COPG2: variants seen among roughly 807,000 people sequenced by gnomAD.
COPG2 encodes the protein coat protein complex I subunit gamma 2.
COPG2 carries 37 observed loss-of-function variants against 46.3 expected under a neutral mutation model. The observed-to-expected ratio is 0.80, with a 90% confidence interval of 0.61 to 1.05. The LOEUF (loss-of-function observed/expected upper bound fraction) is 1.05, where lower values mean the gene tolerates loss of function less well. Among genes scored for constraint, COPG2 ranks in the 50% least tolerant of loss-of-function variants. COPG2 has a pLI of 0.00. For synonymous variants in COPG2, 159 were observed against 129.7 expected, an observed-to-expected ratio of 1.23 and a Z score of -1.53; for missense variants, 427 against 387.8, an observed-to-expected ratio of 1.10 and a Z score of -0.85.
intron 5 of COPG2, among the ~76,000 whole-genome samples, chr7:130,627,360 A>G (rs1795137558): frequency 6.6e-6 from 1 of 152,158 alleles, no homozygotes; most frequent in Non-Finnish European, 1.5e-5. Flanking sequence ...TCCTATGCCC[A>G]ACTTATCACT....
At chr7:130,527,111 A>G (rs1321696972) in intron 20 of COPG2, among the ~76,000 whole-genome samples, 1 of 145,760 alleles carries the variant, frequency 6.9e-6, no homozygotes, top group East Asian at 2.1e-4. Flanking sequence ...GTTCAAAGTA[A>G]AGAGACTGAG....
intron 5 of COPG2, among the ~76,000 whole-genome samples, chr7:130,643,797 T>C (rs1284012581): frequency 6.6e-6 from 1 of 151,956 alleles, no homozygotes; most frequent in Non-Finnish European, 1.5e-5. Context: ...CCCATCTCTA[T>C]TTAAAAAAAA....
At position 130,652,917 on chromosome 7, in the gene COPG2, A is replaced by G; in HGVS notation, c.275T>C (p.Ile92Thr). Residue 92 changes from isoleucine to threonine, a missense_variant, in exon 5 of 24, where the codon ATC (isoleucine) becomes ACC (threonine). Ile to Thr is a moderately conservative substitution (Grantham distance 89, BLOSUM62 -1). Transcript: ENST00000425248. ...CTCAGAGATGGTAGCCATTTCTTTG[A>G]TGGTAAGGTAGCACATTCTCCTCAA... Reference protein sequence around the residue: ...QTLRRMCYLTIKEMATISEDV... With the variant: ...QTLRRMCYLTTKEMATISEDV... 6.2e-7 allele frequency: 1 copy of G among 1,606,606 alleles called. No individual in the cohort carries two copies. The highest frequency in any genetic ancestry group is 1.3e-5 in the African/African-American group (1 of 74,946).
At chr7:130,640,886 T>C (rs1410721584) in intron 5 of COPG2, among the ~76,000 whole-genome samples, 1 of 152,188 alleles carries the variant, frequency 6.6e-6, no homozygotes, top group Non-Finnish European at 1.5e-5. Flanking sequence ...ATTGCATGTC[T>C]AATAATACAA....
In COPG2 at chr7:130,668,649, T is replaced by C; in HGVS notation, c.20A>G (p.Lys7Arg). MIKKFDKKDEESGSGSN... is the reference protein window; with the variant it reads MIKKFDRKDEESGSGSN... ...GCGCGTACCAGACTCCTCGTCCTTC[T>C]TGTCGAATTTTTTAATCATCTTGGA... is the stretch of plus-strand genomic sequence containing the variant. Residue 7 changes from lysine (K) to arginine (R), a missense_variant, in exon 1 of 24, where the codon AAG becomes AGG. Lys to Arg is a conservative substitution (Grantham distance 26). Coordinates refer to ENST00000425248, the MANE Select transcript of COPG2 (RefSeq NM_012133.6). 1 of 1,542,220 alleles carries C rather than the reference T, an allele frequency of 6.5e-7. No individual in the cohort carries two copies. Among genetic ancestry groups the C allele is most frequent in the Non-Finnish European group, 8.7e-7 (1 of 1,146,564 alleles).
chr7:130,612,494 AG>A (rs1285163846), intron 7 of COPG2, among the ~76,000 whole-genome samples: 1 of 152,230 alleles, frequency 6.6e-6, no homozygotes, highest in Admixed American at 6.5e-5. Context: ...GAGGAAGAAC[AG>A]GATAGGGATG....
At chr7:130,507,077 T>C (rs1288486691) in intron 23 of COPG2, among the ~76,000 whole-genome samples, 197 bp downstream of exon 23, 1 of 152,140 alleles carries the variant, frequency 6.6e-6, no homozygotes, top group Non-Finnish European at 1.5e-5. Flanking sequence ...TTGGAGAGAT[T>C]TGTTTTGGGC....
chr7:130,549,447 G>GA (rs1793499951), intron 17 of COPG2, 71 bp from the exon 18 acceptor site: 2 of 398,230 alleles, frequency 5.0e-6, no homozygotes, highest in African/African-American at 4.1e-5. Flanking sequence ...CAGACAGAAA[G>GA]AGAGGAGAGC....
intron 9 of COPG2, among the ~76,000 whole-genome samples, chr7:130,574,660 A>T (rs1554445969): frequency 6.6e-6 from 1 of 152,078 alleles, no homozygotes; most frequent in Non-Finnish European, 1.5e-5. Context: ...CCCCCAAAAA[A>T]ATTACACTAG....
intron 20 of COPG2, among the ~76,000 whole-genome samples, chr7:130,521,691 A>C (rs1799725268): frequency 1.3e-5 from 2 of 152,264 alleles, no homozygotes; most frequent in Non-Finnish European, 1.5e-5. Flanking sequence ...CTAAATAAAA[A>C]GAGCACTGCA....
intron 20 of COPG2, among the ~76,000 whole-genome samples, chr7:130,515,990 G>T (rs1799674867): frequency 6.6e-6 from 1 of 152,120 alleles, no homozygotes; most frequent in South Asian, 2.1e-4. Context: ...CAGATCCAGT[G>T]TGCAGTCTGA....
chr7:130,602,068 A>G (rs1452116092), intron 9 of COPG2, among the ~76,000 whole-genome samples: 1 of 152,198 alleles, frequency 6.6e-6, no homozygotes, highest in Non-Finnish European at 1.5e-5. Flanking sequence ...CGAGGGAGGG[A>G]CCTTGAATCA....
At chr7:130,574,477 C>T (rs782411646) in intron 9 of COPG2, among the ~76,000 whole-genome samples, 2 of 152,092 alleles carry the variant, frequency 1.3e-5, no homozygotes, top group South Asian at 2.1e-4. Context: ...TAGGAAGCCA[C>T]GTCCATAGGA....
At chr7:130,512,070 A>T (rs1554441096) in intron 20 of COPG2, among the ~76,000 whole-genome samples, 1 of 151,298 alleles carries the variant, frequency 6.6e-6, no homozygotes, top group Non-Finnish European at 1.5e-5. Context: ...AAAAAAAAAA[A>T]AAAAAAATAC....
At position 130,609,895 on chromosome 7, in the gene COPG2, C is replaced by T. The variant is rs1026218275; in HGVS notation, c.737+1058G>A. Among the ~76,000 whole-genome samples, 4 of 151,952 alleles carry T rather than the reference C, an allele frequency of 2.6e-5. No individual in the cohort carries two copies. In the East Asian group the frequency reaches 7.7e-4, roughly 29 times the overall value. On this transcript the variant is annotated intron_variant, in intron 9 of 23. Coordinates refer to ENST00000425248, the MANE Select transcript of COPG2 (RefSeq NM_012133.6). Reference sequence around the variant, plus strand: ...TTCCTTACCCATTTACACATTTTGTCCATCTTTTCCACTCTTTAGTGGAAA... The same window carrying T: ...TTCCTTACCCATTTACACATTTTGTTCATCTTTTCCACTCTTTAGTGGAAA...
intron 5 of COPG2, among the ~76,000 whole-genome samples, chr7:130,621,638 G>A (rs1795039929): frequency 1.3e-5 from 2 of 151,886 alleles, no homozygotes; most frequent in South Asian, 2.1e-4. Context: ...GTGAAACCTC[G>A]TCTCTACTAA....
At chr7:130,520,542 T>G (rs1385417778) in intron 20 of COPG2, among the ~76,000 whole-genome samples, 1 of 152,220 alleles carries the variant, frequency 6.6e-6, no homozygotes, top group East Asian at 1.9e-4. Flanking sequence ...ACTTAGAAAA[T>G]CTGGTGCAGT....
At chr7:130,611,407 T>A (rs1794847062) in intron 8 of COPG2, among the ~76,000 whole-genome samples, 1 of 152,182 alleles carries the variant, frequency 6.6e-6, no homozygotes, top group Non-Finnish European at 1.5e-5. Flanking sequence ...ACACACGCTC[T>A]CGGGTCCAGG....
At chr7:130,511,296 G>T (rs1247215892) in intron 20 of COPG2, 3 of 399,564 alleles carry the variant, frequency 7.5e-6, no homozygotes, top group African/African-American at 6.3e-5. Context: ...TAGGGCAAAA[G>T]ATTAGAAAGA....
Sources: allele counts gnomAD v4.1 joint callset (sites outside exome capture counted in the v4.1 genomes callset), GRCh38; gene constraint gnomAD v4.1.1; transcripts MANE v1.5; gene names NCBI Gene and HGNC (gene_info 2026-07-23, HGNC 2026-07-21).